LRRC37A: variants seen among roughly 807,000 people sequenced by gnomAD.
LRRC37A encodes the protein leucine-rich repeat-containing protein 37A.
LRRC37A carries 3 observed loss-of-function variants against 35.4 expected under a neutral mutation model. The observed-to-expected ratio is 0.08, with a 90% CI of 0.04 to 0.22. The LOEUF (loss-of-function observed/expected upper bound fraction) is 0.22. LRRC37A is among the 10% of genes least tolerant of loss of function. The pLI is 1.00. For synonymous variants in LRRC37A, 23 were observed against 215.0 expected (o/e 0.11, Z 7.81); for missense variants, 67 against 565.3 (o/e 0.12, Z 8.94).
the LRRC37A span, among the ~76,000 whole-genome samples, chr17:46,278,399 T>TTG: frequency 7.2e-6 from 1 of 138,730 alleles, no homozygotes; most frequent in East Asian, 2.0e-4. Context: ...TTGTTTTATT[T>TTG]TGTTTTTTTT....
the LRRC37A span, among the ~76,000 whole-genome samples, chr17:46,266,646 G>T: frequency 6.6e-6 from 1 of 152,324 alleles, no homozygotes; most frequent in East Asian, 1.9e-4. Flanking sequence ...GAGCTTTCTG[G>T]CTCCTCTGTT....
chr17:46,288,706 C>CTT (rs199591277), upstream of LRRC37A, among the ~76,000 whole-genome samples: 6,640 of 135,602 alleles, frequency 0.049, no homozygotes, highest in Middle Eastern at 0.074. Flanking sequence ...CTTGTTTTTT[C>CTT]TTTTTTTTTT....
At chr17:46,258,881 AT>A in the LRRC37A span, among the ~76,000 whole-genome samples, 17 of 147,946 alleles carry the variant, frequency 1.1e-4, no homozygotes, top group South Asian at 4.2e-4. Flanking sequence ...CGCCCGGCTA[AT>A]TTTTTTTTTG....
At chr17:46,273,680 G>T in the LRRC37A span, among the ~76,000 whole-genome samples, 47 of 152,364 alleles carry the variant, frequency 3.1e-4, no homozygotes, top group Middle Eastern at 3.4e-3. Flanking sequence ...AGATTTTATA[G>T]AAGCTATTAC....
At chr17:46,304,976 C>T (rs1384971169) in intron 3 of LRRC37A, among the ~76,000 whole-genome samples, 1 of 78,102 alleles carries the variant, frequency 1.3e-5, no homozygotes, top group Admixed American at 1.6e-4. Context: ...TCATGCCATT[C>T]TCCTGCCTCA....
the LRRC37A span, among the ~76,000 whole-genome samples, chr17:46,283,012 G>A: frequency 3.9e-5 from 6 of 152,084 alleles, no homozygotes; most frequent in Admixed American, 1.3e-4. Flanking sequence ...CCAACTACGC[G>A]GGAGGCTGAG....
the LRRC37A span, among the ~76,000 whole-genome samples, chr17:46,252,564 T>C: frequency 6.7e-6 from 1 of 148,386 alleles, no homozygotes; most frequent in Admixed American, 6.9e-5. Context: ...GATTAGGGAG[T>C]GGTGATGACT....
chr17:46,258,257 C>T, the LRRC37A span, among the ~76,000 whole-genome samples: 2 of 151,914 alleles, frequency 1.3e-5, no homozygotes, highest in African/African-American at 2.4e-5. Context: ...TGTCGCCAGG[C>T]TGGAGTGCAG....
At chr17:46,282,264 G>A in the LRRC37A span, among the ~76,000 whole-genome samples, 3,703 of 151,850 alleles carry the variant, frequency 0.024, 131 homozygotes, top group African/African-American at 0.076. Context: ...CACCACGCCC[G>A]CCTAATTTTT....
the LRRC37A span, among the ~76,000 whole-genome samples, chr17:46,249,790 C>T: frequency 6.6e-6 from 1 of 152,322 alleles, no homozygotes; most frequent in East Asian, 1.9e-4. Context: ...AGATGGCTGT[C>T]ACTGCAGTCA....
At chr17:46,276,736 C>T in the LRRC37A span, among the ~76,000 whole-genome samples, 1 of 151,654 alleles carries the variant, frequency 6.6e-6, no homozygotes, top group Non-Finnish European at 1.5e-5. Context: ...CCTAAAAATG[C>T]AACAGCAAGT....
upstream of LRRC37A, among the ~76,000 whole-genome samples, chr17:46,291,176 C>T (rs1303979853): frequency 5.3e-5 from 8 of 152,308 alleles, no homozygotes; most frequent in Middle Eastern, 0.017. Context: ...GTTTCATTTC[C>T]TAGTTCATAT....
chr17:46,251,554 G>A, the LRRC37A span, among the ~76,000 whole-genome samples: 22 of 151,072 alleles, frequency 1.5e-4, no homozygotes, highest in Non-Finnish European at 1.5e-4. Context: ...CACCTCACCT[G>A]TCCTGCTTAA....
chr17:46,291,256 C>T (rs2050058544), upstream of LRRC37A, among the ~76,000 whole-genome samples: 1 of 152,214 alleles, frequency 6.6e-6, no homozygotes, highest in East Asian at 1.9e-4. Context: ...CTTTGATCCT[C>T]CCTCTCCCTT....
In LRRC37A at chr17:46,306,440, C is replaced by G. The variant is rs2050565260; in HGVS notation, c.2906+131C>G. Reference sequence around the variant, plus strand: ...TGTCTTAAGATCCATTCATTTTTCTCAAATGGGGAAGCTAAGGTACAAAGA... The same window carrying G: ...TGTCTTAAGATCCATTCATTTTTCTGAAATGGGGAAGCTAAGGTACAAAGA... On this transcript the variant is annotated intron_variant, in intron 5 of 13. Transcript: ENST00000320254. 4 of 227,980 alleles carry G rather than the reference C, an allele frequency of 1.8e-5. 1 individual carries two copies. The highest frequency in any genetic ancestry group is 1.6e-4 in the East Asian group (4 of 24,696). 14.1% of individuals were successfully genotyped at this position (227,980 alleles called of 1,614,324 possible). A position where few individuals can be genotyped will look rare whatever the true frequency, so the allele number is the denominator to read the frequency against.
At chr17:46,254,549 T>TG in the LRRC37A span, among the ~76,000 whole-genome samples, 1 of 152,046 alleles carries the variant, frequency 6.6e-6, no homozygotes, top group African/African-American at 2.4e-5. Context: ...CAGCTAATTT[T>TG]TTTTTTTTTT....
At chr17:46,264,872 C>A in the LRRC37A span, among the ~76,000 whole-genome samples, 1 of 152,362 alleles carries the variant, frequency 6.6e-6, no homozygotes, top group Admixed American at 6.5e-5. Context: ...ACACCCCCAG[C>A]AGGATGTGGG....
chr17:46,271,460 G>A, the LRRC37A span, among the ~76,000 whole-genome samples: 6 of 150,980 alleles, frequency 4.0e-5, no homozygotes, highest in Middle Eastern at 3.4e-3. Context: ...GGGATTATAC[G>A]TGTGAGCCAC....
At chr17:46,254,136 C>T in the LRRC37A span, among the ~76,000 whole-genome samples, 1 of 152,160 alleles carries the variant, frequency 6.6e-6, no homozygotes, top group Non-Finnish European at 1.5e-5. Context: ...ATTTGCCTCC[C>T]TTGCCTGCGG....
Sources: gnomAD v4.1 joint callset for allele counts (sites outside exome capture counted in the v4.1 genomes callset) on GRCh38, gnomAD v4.1.1 for gene constraint, MANE v1.5 for transcripts, NCBI Gene and HGNC (gene_info 2026-07-23, HGNC 2026-07-21) for gene names.